Variants in FAM3D observed in about 807,000 individuals in gnomAD.
The protein encoded by FAM3D is FAM3 metabolism regulating signaling molecule D.
In FAM3D, 26 loss-of-function variants were observed where a neutral mutation model predicts 29.8. The observed-to-expected ratio is 0.87, with a 90% CI of 0.64 to 1.21. The LOEUF is 1.21. FAM3D is among the 50% of genes most tolerant of loss of function. The pLI, the probability that FAM3D is intolerant of heterozygous loss-of-function variation, is 0.00. For missense variants in FAM3D, 253 were observed against 290.9 expected (o/e 0.87, Z 0.95); for synonymous variants, 115 against 102.3 (o/e 1.12, Z -0.75).
chr3:58,649,208 C>T (rs1371770353), intron 4 of FAM3D, 107 bp downstream of exon 4: 25 of 1,384,410 alleles, frequency 1.8e-5, no homozygotes, highest in Non-Finnish European at 6.9e-6. Flanking sequence ...TCTCTGGCAC[C>T]TGCAGGGCTC....
intron 1 of FAM3D, among the ~76,000 whole-genome samples, chr3:58,665,532 A>C (rs757928352): frequency 3.3e-5 from 5 of 152,268 alleles, no homozygotes; most frequent in South Asian, 2.1e-4. Context: ...ATGATACCTC[A>C]TCTTGTTAAT....
Position 58,645,528 on chromosome 3 carries a change from T to A in FAM3D, c.244A>T (p.Met82Leu), listed in dbSNP as rs771080138. The A allele has an allele frequency of 1.2e-6, 2 of 1,614,044 alleles. No homozygotes were observed. Among genetic ancestry groups the A allele is most frequent in the Non-Finnish European group, 1.7e-6 (2 of 1,179,910 alleles). Residue 82 changes from methionine to leucine, a missense_variant, in exon 5 of 10, where the codon ATG (methionine) becomes TTG (leucine). Transcript: ENST00000358781. ...SGAANVVGPT[M>L]CFEDRMIMSP... The stretch of plus-strand genomic sequence containing the variant: ...ACTTACATGCGGTCTTCAAAGCACA[T>A]AGTAGGGCCCACGACGTTGGCGGCC...
rs12107697 is a variant in FAM3D at position 58,635,175 on chromosome 3, T to A, written c.586-807A>T. Among the ~76,000 whole-genome samples, 14,236 of 152,136 alleles carry A rather than the reference T, an allele frequency of 0.094. 738 individuals carry two copies. Among genetic ancestry groups the A allele is most frequent in the African/African-American group, 0.14 (5,659 of 41,476 alleles). On this transcript the variant is annotated intron_variant, in intron 9 of 9. Transcript: ENST00000358781. The surrounding 1 kb of genome is among the most constrained non-coding windows in gnomAD (Gnocchi z 5.2). The stretch of plus-strand genomic sequence containing the variant: ...AGGTGACAGAGCGAGACCCTATCTC[T>A]AAAATATATATATACTAGTAATAAG...
At chr3:58,640,025 G>T in intron 7 of FAM3D, 102 bp downstream of exon 7, 1 of 1,275,720 alleles carries the variant, frequency 7.8e-7, no homozygotes, top group Non-Finnish European at 1.1e-6. Context: ...GTGGAAAGAA[G>T]CACCAGGTAC....
intron 2 of FAM3D, among the ~76,000 whole-genome samples, chr3:58,654,369 G>A (rs902513901): frequency 1.4e-4 from 22 of 152,200 alleles, no homozygotes; most frequent in Non-Finnish European, 1.5e-4. Flanking sequence ...TGGGGTTGGG[G>A]CTGCCCCCCA....
intron 4 of FAM3D, among the ~76,000 whole-genome samples, chr3:58,648,975 G>A (rs1382639446): frequency 6.6e-6 from 1 of 152,240 alleles, no homozygotes. Context: ...CACAGCCCTG[G>A]TCCTCGGGCT....
At chr3:58,637,080 G>T in intron 8 of FAM3D, 61 bp downstream of exon 8, 2 of 1,416,704 alleles carry the variant, frequency 1.4e-6, no homozygotes, top group Non-Finnish European at 9.9e-7. Flanking sequence ...AGGGTGTGCA[G>T]GGTTTGAAGG....
chr3:58,636,816 G>A (rs527587201), intron 8 of FAM3D, among the ~76,000 whole-genome samples: 12 of 151,920 alleles, frequency 7.9e-5, no homozygotes, highest in African/African-American at 2.2e-4. Flanking sequence ...GATTTTCCAC[G>A]TCCTTAAATA....
At chr3:58,643,502 T>C (rs189631947) in intron 6 of FAM3D, among the ~76,000 whole-genome samples, 160 bp downstream of exon 6, 338 of 152,350 alleles carry the variant, frequency 2.2e-3, no homozygotes, top group African/African-American at 7.8e-3. Flanking sequence ...CTTTGAGACC[T>C]TCTGTTCCCC....
rs908754179 is a variant in FAM3D at position 58,635,746 on chromosome 3, C to T, written c.585+548G>A. 3.9e-5 allele frequency among the ~76,000 whole-genome samples: 6 copies of T among 152,232 alleles called. No homozygotes were observed. The highest frequency in any genetic ancestry group is 6.5e-5 in the Admixed American group (1 of 15,288). ...CGCATACAGACCAAGACCACATTTT[C>T]TAGCTTAGGAAAGAAATCCTCCCAT... On this transcript the variant is annotated intron_variant, in intron 9 of 9. Transcript: ENST00000358781. This position sits in a 1 kb window ranked among gnomAD's most constrained non-coding sequence, Gnocchi z 5.2.
At chr3:58,636,138 C>T (rs2066162180) in intron 9 of FAM3D, among the ~76,000 whole-genome samples, 156 bp downstream of exon 9, 2 of 152,232 alleles carry the variant, frequency 1.3e-5, no homozygotes, top group South Asian at 2.1e-4. Flanking sequence ...GCCAATCAGA[C>T]CACCCTGGCC....
chr3:58,657,626 T>C (rs538248584), intron 1 of FAM3D: 2 of 152,466 alleles, frequency 1.3e-5, no homozygotes, highest in East Asian at 3.9e-4. Flanking sequence ...CAGTCCCCAT[T>C]GGGCGGTGAG....
intron 5 of FAM3D, among the ~76,000 whole-genome samples, chr3:58,645,286 T>A (rs1276110050): frequency 6.6e-6 from 1 of 152,064 alleles, no homozygotes; most frequent in Non-Finnish European, 1.5e-5. Context: ...CCTCCCAGGA[T>A]GTCGGGGGAA....
intron 1 of FAM3D, among the ~76,000 whole-genome samples, chr3:58,662,318 G>C (rs1867424): frequency 0.8 from 121,346 of 151,904 alleles, 49,821 homozygotes; most frequent in Non-Finnish European, 0.9. Context: ...TAACCAACGT[G>C]GTGGCCTCCA....
rs937201382 is a variant in FAM3D at position 58,635,898 on chromosome 3, T to G, written c.585+396A>C. Among the ~76,000 whole-genome samples the G allele has an allele frequency of 1.3e-5, 2 of 152,184 alleles. No homozygotes were observed. The highest frequency in any genetic ancestry group is 2.9e-5 in the Non-Finnish European group (2 of 68,038). ...CTGACTTCCCTCCTCGTTTTCTCCA[T>G]GCCTCGCCAGGGAGGCTGAAGGGAT... On this transcript the variant is annotated intron_variant, in intron 9 of 9. Transcript: ENST00000358781. The surrounding 1 kb of genome is among the most constrained non-coding windows in gnomAD (Gnocchi z 5.2).
intron 6 of FAM3D, 125 bp from the exon 7 acceptor site, chr3:58,640,302 C>T (rs1415576371): frequency 1.8e-6 from 2 of 1,138,626 alleles, no homozygotes; most frequent in African/African-American, 1.5e-5. Context: ...GAAATCAGGT[C>T]CTATAAAGAG....
intron 1 of FAM3D, among the ~76,000 whole-genome samples, chr3:58,664,684 G>A (rs1208809290): frequency 6.6e-6 from 1 of 152,230 alleles, no homozygotes; most frequent in Non-Finnish European, 1.5e-5. Flanking sequence ...GCAGAACTGG[G>A]ATTCAAATGC....
At chr3:58,653,522 T>C in intron 3 of FAM3D, 152 bp downstream of exon 3, 1 of 747,136 alleles carries the variant, frequency 1.3e-6, no homozygotes, top group Middle Eastern at 3.9e-4. Flanking sequence ...CCTGGTAGTC[T>C]GGGGGTGCCC....
intron 6 of FAM3D, among the ~76,000 whole-genome samples, chr3:58,643,125 C>G (rs552038458): frequency 1.2e-4 from 19 of 152,232 alleles, no homozygotes; most frequent in Non-Finnish European, 2.2e-4. Context: ...GCTCCCATAG[C>G]TGTGCTTCCT....
Sources: allele counts gnomAD v4.1 joint callset (sites outside exome capture counted in the v4.1 genomes callset), GRCh38; gene constraint gnomAD v4.1.1; non-coding constraint Gnocchi (gnomAD v3.1); transcripts MANE v1.5; gene names NCBI Gene and HGNC (gene_info 2026-07-23, HGNC 2026-07-21).